Variants in EVC2 observed in about 807,000 individuals in gnomAD.
The protein encoded by EVC2 is limbin.
Under a neutral mutation model 149.3 loss-of-function variants are expected in EVC2, and 148 were observed. That is an observed-to-expected ratio of 0.99 (90% CI 0.87 to 1.14). The LOEUF (loss-of-function observed/expected upper bound fraction) is 1.14, where lower values mean the gene tolerates loss of function less well. EVC2 is among the 50% of genes most tolerant of loss of function. The pLI is 0.00. For synonymous variants in EVC2, 776 were observed against 649.9 expected (o/e 1.19, Z -2.95); for missense variants, 1,854 against 1,627.3 (o/e 1.14, Z -2.40).
At position 5,708,293 on chromosome 4, in the gene EVC2, C is replaced by G; in HGVS notation, c.221G>C (p.Ser74Thr). 1 of 1,476,316 alleles carries G rather than the reference C, an allele frequency of 6.8e-7. No homozygotes were observed. Among genetic ancestry groups the G allele is most frequent in the Non-Finnish European group, 8.9e-7 (1 of 1,118,358 alleles). 91.5% of individuals were successfully genotyped at this position (1,476,316 alleles called of 1,614,324 possible). A position where few individuals can be genotyped will look rare whatever the true frequency, so the allele number is the denominator to read the frequency against. ...GGGTCGGGCCCTCCTTACCTGCGTGCTGCTCTCGGGCCCCGCCCCGCTCCG... is the reference window on the plus strand; with the variant it reads ...GGGTCGGGCCCTCCTTACCTGCGTGGTGCTCTCGGGCCCCGCCCCGCTCCG... ...PGRSGAGPES[S>T]TQDLPCMIWP... Residue 74 changes from serine (S) to threonine (T), a missense_variant, in exon 1 of 22, where the codon AGC (serine) becomes ACC (threonine). Transcript: ENST00000344408.
downstream of EVC2, among the ~76,000 whole-genome samples, chr4:5,538,783 A>C (rs1721463440): frequency 6.6e-6 from 1 of 152,188 alleles, no homozygotes; most frequent in African/African-American, 2.4e-5. Context: ...ATTTCTGATT[A>C]AAATCATTAA....
chr4:5,658,242 T>G (rs913707924), intron 9 of EVC2, among the ~76,000 whole-genome samples: 1 of 152,170 alleles, frequency 6.6e-6, no homozygotes, highest in African/African-American at 2.4e-5. Flanking sequence ...ATCAATCCAT[T>G]AATTACTTTT....
At chr4:5,547,442 AG>A (rs1315671581) in intron 21 of EVC2, among the ~76,000 whole-genome samples, 1 of 152,150 alleles carries the variant, frequency 6.6e-6, no homozygotes, top group East Asian at 1.9e-4. Flanking sequence ...TCAGGGAGGG[AG>A]GATCTGTAGG....
intron 9 of EVC2, among the ~76,000 whole-genome samples, chr4:5,644,856 G>C (rs1184251099): frequency 3.3e-5 from 5 of 152,068 alleles, no homozygotes; most frequent in Non-Finnish European, 7.4e-5. Context: ...CAAATAATAG[G>C]AATTTGATCT....
intron 9 of EVC2, among the ~76,000 whole-genome samples, chr4:5,652,288 G>A (rs1177015666): frequency 2.0e-5 from 3 of 152,192 alleles, no homozygotes; most frequent in Non-Finnish European, 4.4e-5. Context: ...AGGAGAGGCT[G>A]CGTCAGGATG....
chr4:5,585,839 A>AT (rs1375712883), intron 16 of EVC2, among the ~76,000 whole-genome samples: 22 of 151,770 alleles, frequency 1.4e-4, no homozygotes, highest in African/African-American at 4.6e-4. Context: ...TACGGTACAT[A>AT]TTTTTTTATC....
intron 9 of EVC2, among the ~76,000 whole-genome samples, chr4:5,660,605 G>A (rs1196488121): frequency 6.6e-6 from 1 of 152,098 alleles, no homozygotes; most frequent in Non-Finnish European, 1.5e-5. Context: ...CTCAAGGAAG[G>A]GCTACTCGCC....
chr4:5,635,082 G>A (rs1716807123), intron 10 of EVC2, among the ~76,000 whole-genome samples: 1 of 127,522 alleles, frequency 7.8e-6, no homozygotes, highest in Non-Finnish European at 1.6e-5. Context: ...TTTCGCCCAG[G>A]CTGGAGTGAA....
intron 9 of EVC2, among the ~76,000 whole-genome samples, chr4:5,661,858 C>A (rs1391596712): frequency 1.3e-5 from 2 of 152,212 alleles, no homozygotes; most frequent in African/African-American, 2.4e-5. Context: ...TAACCTCTCT[C>A]CAGTTCTCAT....
At chr4:5,650,924 G>T (rs982102694) in intron 9 of EVC2, among the ~76,000 whole-genome samples, 1 of 152,116 alleles carries the variant, frequency 6.6e-6, no homozygotes, top group African/African-American at 2.4e-5. Flanking sequence ...TGGAAAATGT[G>T]ACTTCTCATT....
At chr4:5,597,389 C>A (rs908053944) in intron 16 of EVC2, among the ~76,000 whole-genome samples, 1 of 152,220 alleles carries the variant, frequency 6.6e-6, no homozygotes, top group Admixed American at 6.5e-5. Context: ...GGGCTTCATC[C>A]CTGGGATGGA....
chr4:5,665,372 G>C, intron 8 of EVC2, 143 bp downstream of exon 8: 4 of 1,205,222 alleles, frequency 3.3e-6, no homozygotes, highest in Non-Finnish European at 3.6e-6. Context: ...CAGCAGTTTT[G>C]GAGGTGGGCC....
intron 21 of EVC2, among the ~76,000 whole-genome samples, chr4:5,545,105 A>G (rs963640123): frequency 2.8e-4 from 42 of 152,256 alleles, no homozygotes; most frequent in Middle Eastern, 3.4e-3. Flanking sequence ...GCTTCCTTCC[A>G]CAATGCTTCA....
chr4:5,559,929 A>T (rs1025465293), downstream of EVC2, among the ~76,000 whole-genome samples: 2 of 152,122 alleles, frequency 1.3e-5, no homozygotes, highest in African/African-American at 4.8e-5. This position sits in a 1 kb window ranked among gnomAD's most constrained non-coding sequence, Gnocchi z 5.0. Context: ...TTCCTTACAA[A>T]GACTGCAGTG....
intron 9 of EVC2, among the ~76,000 whole-genome samples, chr4:5,647,242 C>T (rs527378640): frequency 3.9e-5 from 6 of 152,250 alleles, no homozygotes; most frequent in South Asian, 2.1e-4. Flanking sequence ...GATGAGGCCA[C>T]GTGTGCCCTG....
At chr4:5,591,434 T>C (rs771456872) in intron 16 of EVC2, among the ~76,000 whole-genome samples, 2 of 152,208 alleles carry the variant, frequency 1.3e-5, no homozygotes, top group East Asian at 1.9e-4. Context: ...GTTTTCACGT[T>C]ATCCTTGTGT....
rs1332771862 is a variant in EVC2, at chr4:5,691,274, T to G, written c.510A>C (p.Lys170Asn). ...GTSENGVIFQ[K>N]CALVSGSSEA... is the part of the protein sequence containing the mutation. ...ACCAGTGGAAACTTACCAGTGCACATTTCTGAAAAATTACTCCATTTTCAG... is the reference window on the plus strand; with the variant it reads ...ACCAGTGGAAACTTACCAGTGCACAGTTCTGAAAAATTACTCCATTTTCAG... The change falls in exon 4 of 22, where the codon AAA (lysine) becomes AAC (asparagine). Residue 170 changes from lysine to asparagine, a missense_variant. Lys to Asn is a moderately conservative substitution (Grantham distance 94). Coordinates refer to ENST00000344408, the MANE Select transcript of EVC2 (RefSeq NM_147127.5). 2 of 1,613,468 alleles carry G rather than the reference T, an allele frequency of 1.2e-6. No individual in the cohort carries two copies. Among genetic ancestry groups the G allele is most frequent in the African/African-American group, 2.7e-5 (2 of 74,924 alleles).
rs1282621867 is a variant in EVC2, at chr4:5,622,640, G to A, written c.2398C>T (p.Gln800Ter). The change falls in exon 14 of 22, where the codon CAG (glutamine) becomes TAG (stop). Residue 800 changes from glutamine (Q) to a stop codon, truncating the protein, a stop_gained. Coordinates refer to ENST00000344408, the MANE Select transcript of EVC2 (RefSeq NM_147127.5). LOFTEE classifies it high-confidence loss of function. This position sits in a 1 kb window ranked among gnomAD's most constrained non-coding sequence, Gnocchi z 5.8. Reference sequence around the variant, plus strand: ...TGCCTCACGCTCTGGACACCCTCCTGGTCCCTGTCCCTCTCCTCCCCCTCC... The same window carrying A: ...TGCCTCACGCTCTGGACACCCTCCTAGTCCCTGTCCCTCTCCTCCCCCTCC... The part of the protein sequence containing the change: ...QLEGEERDRD[Q>*]EGVQSVRQRL... 1 of 1,613,862 alleles carries A rather than the reference G, an allele frequency of 6.2e-7. No individual in the cohort carries two copies. The highest frequency in any genetic ancestry group is 1.3e-5 in the African/African-American group (1 of 74,866).
intron 16 of EVC2, among the ~76,000 whole-genome samples, chr4:5,594,050 G>T (rs1336842312): frequency 6.6e-6 from 1 of 152,168 alleles, no homozygotes; most frequent in African/African-American, 2.4e-5. Flanking sequence ...GCTTGCTTAG[G>T]TAAACAAAGC....
Sources: gnomAD v4.1 joint callset for allele counts (sites outside exome capture counted in the v4.1 genomes callset) on GRCh38, gnomAD v4.1.1 for gene constraint, Gnocchi (gnomAD v3.1) non-coding constraint, MANE v1.5 for transcripts, NCBI Gene and HGNC (gene_info 2026-07-23, HGNC 2026-07-21) for gene names.